Variants in AGBL1 observed in about 807,000 individuals in gnomAD.
AGBL1 encodes AGBL carboxypeptidase 1.
Under a neutral mutation model 118.9 loss-of-function variants are expected in AGBL1, and 130 were observed. The ratio of observed to expected loss-of-function variants is 1.09; its 90% confidence interval spans 0.95 to 1.26. AGBL1 has a LOEUF of 1.26. Ranked by LOEUF, AGBL1 falls within the 50% of genes most tolerant of loss-of-function variation. The probability of loss-of-function intolerance (pLI) is 0.00; values close to 1 mark genes in which losing one functional copy is unlikely to be tolerated. For synonymous variants in AGBL1, 555 were observed against 478.9 expected (o/e 1.16, Z -2.08); for missense variants, 1,584 against 1,298.1 (o/e 1.22, Z -3.38).
intron 24 of AGBL1, among the ~76,000 whole-genome samples, chr15:87,009,850 A>G (rs140732708): frequency 0.099 from 15,070 of 152,220 alleles, 1,328 homozygotes; most frequent in African/African-American, 0.23. Context: ...CATTTTGGCC[A>G]ATTTCTCTCA....
At chr15:86,653,585 A>G (rs1358779379) in intron 21 of AGBL1, among the ~76,000 whole-genome samples, 2 of 152,148 alleles carry the variant, frequency 1.3e-5, no homozygotes, top group Non-Finnish European at 2.9e-5. Flanking sequence ...AATCAAAGCT[A>G]ATAAAAGCAC....
At chr15:86,677,064 C>G (rs1377269528) in intron 22 of AGBL1, among the ~76,000 whole-genome samples, 1 of 152,090 alleles carries the variant, frequency 6.6e-6, no homozygotes, top group African/African-American at 2.4e-5. Flanking sequence ...TGCATCCTCT[C>G]CTAGGCCCAC....
chr15:86,961,735 T>A (rs1433923569), intron 23 of AGBL1, among the ~76,000 whole-genome samples: 1 of 152,114 alleles, frequency 6.6e-6, no homozygotes, highest in Non-Finnish European at 1.5e-5. Context: ...TAGACAGGAA[T>A]GAATCTCTAG....
At chr15:86,119,781 T>A (rs941279529) in intron 1 of AGBL1, among the ~76,000 whole-genome samples, 9 of 152,006 alleles carry the variant, frequency 5.9e-5, no homozygotes, top group Non-Finnish European at 1.2e-4. Context: ...GGTTGTGGGG[T>A]CCTAGTAGCT....
chr15:86,331,492 G>A (rs776399737), intron 17 of AGBL1, among the ~76,000 whole-genome samples: 4 of 152,030 alleles, frequency 2.6e-5, no homozygotes, highest in South Asian at 2.1e-4. Flanking sequence ...TCACCAAGGC[G>A]TATAATCACC....
intron 23 of AGBL1, among the ~76,000 whole-genome samples, chr15:86,930,626 A>C (rs1033156851): frequency 1.3e-5 from 2 of 152,224 alleles, no homozygotes; most frequent in Admixed American, 1.3e-4. Context: ...AAATACATTT[A>C]TCTGCCATGT....
chr15:86,499,616 AG>A (rs1169470130), intron 18 of AGBL1, among the ~76,000 whole-genome samples: 1 of 151,970 alleles, frequency 6.6e-6, no homozygotes, highest in Non-Finnish European at 1.5e-5. Context: ...AATAGCAAAC[AG>A]GTAATGCATC....
At chr15:86,984,309 A>G (rs868074169) in intron 23 of AGBL1, among the ~76,000 whole-genome samples, 5 of 150,372 alleles carry the variant, frequency 3.3e-5, no homozygotes, top group African/African-American at 1.2e-4. Context: ...AAATGTGTCT[A>G]TTGACATATT....
At chr15:86,162,598 C>T (rs1429266217) in intron 5 of AGBL1, among the ~76,000 whole-genome samples, 2 of 152,198 alleles carry the variant, frequency 1.3e-5, no homozygotes, top group Admixed American at 6.5e-5. Context: ...GCTGCACACA[C>T]TTGTGTTGGC....
chr15:86,723,666 AG>A (rs200809760), intron 22 of AGBL1, among the ~76,000 whole-genome samples: 103 of 152,180 alleles, frequency 6.8e-4, no homozygotes, highest in Non-Finnish European at 1.1e-3. Flanking sequence ...AATAAAAAAA[AG>A]AAAACAAAGC....
intron 22 of AGBL1, among the ~76,000 whole-genome samples, chr15:86,800,143 ATAAT>A (rs2078629859): frequency 6.6e-6 from 1 of 152,108 alleles, no homozygotes; most frequent in African/African-American, 2.4e-5. Flanking sequence ...CCACCATGAA[ATAAT>A]TAGAACCAGA....
chr15:86,867,111 T>C (rs540797677), intron 22 of AGBL1, among the ~76,000 whole-genome samples: 2 of 152,194 alleles, frequency 1.3e-5, no homozygotes, highest in African/African-American at 4.8e-5. Flanking sequence ...GGTCATGTCA[T>C]AAACACACTT....
chr15:86,738,245 C>T (rs1247891532), intron 22 of AGBL1, among the ~76,000 whole-genome samples: 1 of 152,018 alleles, frequency 6.6e-6, no homozygotes, highest in Non-Finnish European at 1.5e-5. Flanking sequence ...AATAAAGGTC[C>T]TATGTGACAA....
chr15:86,397,492 ACTTCAT>A lies in AGBL1; in HGVS notation c.2507_2512del (p.Ile836_Phe837del), dbSNP rs1567235818. 6.2e-7 allele frequency: 1 copy of A among 1,612,966 alleles called. No individual in the cohort carries two copies. The highest frequency in any genetic ancestry group is 8.5e-7 in the Non-Finnish European group (1 of 1,179,370). ...CCTGTGGCTAGGCTCTTGAGGGAAAACTTCATCTTCAAGATCATACCCATGCTCAAC... is the reference window on the plus strand; with the variant it reads ...CCTGTGGCTAGGCTCTTGAGGGAAAACTTCAAGATCATACCCATGCTCAAC... On this transcript the variant is annotated inframe_deletion, in exon 18 of 23. Transcript: ENST00000614907.
chr15:86,267,627 G>A (rs2142043855), intron 13 of AGBL1, among the ~76,000 whole-genome samples: 1 of 152,314 alleles, frequency 6.6e-6, no homozygotes, highest in Admixed American at 6.5e-5. Context: ...TGAGCTCTCA[G>A]TAGAAAAGGA....
chr15:86,718,613 A>C (rs145173658), intron 22 of AGBL1, among the ~76,000 whole-genome samples: 140 of 152,284 alleles, frequency 9.2e-4, no homozygotes, highest in African/African-American at 3.1e-3. Flanking sequence ...AGAAGGACAA[A>C]TCGTACCCCA....
At chr15:86,334,492 A>G (rs1406666829) in intron 17 of AGBL1, among the ~76,000 whole-genome samples, 2 of 152,234 alleles carry the variant, frequency 1.3e-5, no homozygotes, top group Non-Finnish European at 2.9e-5. Context: ...AATGCAAAGT[A>G]CTGCTAAAAG....
rs75156231 is a variant in AGBL1, at chr15:86,380,920, C to G, written c.2375-16446C>G. On this transcript the variant is annotated intron_variant, in intron 17 of 22. Transcript: ENST00000614907. Reference sequence around the variant, plus strand: ...ACTCACTACTCTTTGTTGTTCTAATCCACATTACTTATAAAGTGTGTGTGT... The same window carrying G: ...ACTCACTACTCTTTGTTGTTCTAATGCACATTACTTATAAAGTGTGTGTGT... Among the ~76,000 whole-genome samples, 206 of 149,432 alleles carry G rather than the reference C, an allele frequency of 1.4e-3. 2 individuals carry two copies. The highest frequency in any genetic ancestry group is 9.7e-3 in the East Asian group (49 of 5,074).
At chr15:86,195,463 T>G (rs1648456469) in intron 5 of AGBL1, among the ~76,000 whole-genome samples, 1 of 152,152 alleles carries the variant, frequency 6.6e-6, no homozygotes, top group South Asian at 2.1e-4. Flanking sequence ...TAACATTATT[T>G]TGTTAATCAG....
Sources: gnomAD v4.1 joint callset for allele counts (sites outside exome capture counted in the v4.1 genomes callset) on GRCh38, gnomAD v4.1.1 for gene constraint, MANE v1.5 for transcripts, NCBI Gene and HGNC (gene_info 2026-07-23, HGNC 2026-07-21) for gene names.